Variants in FGF13 observed in about 807,000 individuals in gnomAD.
FGF13 encodes fibroblast growth factor 13.
In FGF13, 2 loss-of-function variants were observed where a neutral mutation model predicts 19.5. That is an observed-to-expected ratio of 0.10 (90% CI 0.04 to 0.32). The LOEUF (loss-of-function observed/expected upper bound fraction) is 0.32. FGF13 is among the 10% of genes least tolerant of loss of function. The pLI is 1.00. For missense variants in FGF13, 113 were observed against 192.7 expected (o/e 0.59, Z 2.45); for synonymous variants, 72 against 76.9 (o/e 0.94, Z 0.33).
At chrX:139,031,747 A>C (rs6634041) in intron 1 of FGF13, among the ~76,000 whole-genome samples, 13,811 of 108,561 alleles carry the variant, frequency 0.13, 753 homozygotes, top group South Asian at 0.18. Flanking sequence ...ATGCTCCAGA[A>C]GTTTGTATGG....
At chrX:138,786,629 G>C (rs1294266395) in intron 3 of FGF13, among the ~76,000 whole-genome samples, 6 of 107,086 alleles carry the variant, frequency 5.6e-5, no homozygotes, top group African/African-American at 2.1e-4. Context: ...ACCTCCTACT[G>C]TATCCTCACT....
chrX:139,037,533 T>C (rs1232127498), intron 1 of FGF13, among the ~76,000 whole-genome samples: 1 of 111,582 alleles, frequency 9.0e-6, no homozygotes, highest in East Asian at 2.9e-4. Context: ...AATCAAGGCG[T>C]TAGCAGTCTG....
intron 1 of FGF13, among the ~76,000 whole-genome samples, chrX:139,030,027 G>A (rs1234539508): frequency 2.7e-5 from 3 of 111,622 alleles, no homozygotes; most frequent in African/African-American, 6.5e-5. Context: ...ATAAGCATGC[G>A]CCAATAAAAC....
intron 1 of FGF13, among the ~76,000 whole-genome samples, chrX:139,164,547 G>A (rs970193325): frequency 5.5e-5 from 6 of 109,609 alleles, no homozygotes; most frequent in Non-Finnish European, 1.1e-4. Flanking sequence ...AAATTTTGCC[G>A]GGCGTCATGA....
chrX:138,777,090 C>T (rs1290963054), intron 3 of FGF13, among the ~76,000 whole-genome samples: 1 of 111,901 alleles, frequency 8.9e-6, no homozygotes, highest in Non-Finnish European at 1.9e-5. Flanking sequence ...ATTTCCTGAT[C>T]CCTGACAGAA....
intron 3 of FGF13, among the ~76,000 whole-genome samples, chrX:138,745,665 A>G (rs1187869075): frequency 8.9e-6 from 1 of 112,277 alleles, no homozygotes; most frequent in Non-Finnish European, 1.9e-5. Context: ...CAATTTCAAA[A>G]TTAATGTCAA....
intron 3 of FGF13, among the ~76,000 whole-genome samples, chrX:138,662,725 C>T (rs1205876406): frequency 7.2e-5 from 8 of 111,456 alleles, no homozygotes; most frequent in Non-Finnish European, 3.8e-5. Context: ...ATCTATTCTG[C>T]AATAAAAACA....
chrX:139,200,625 G>A (rs1777601823), intron 1 of FGF13, among the ~76,000 whole-genome samples: 1 of 112,189 alleles, frequency 8.9e-6, no homozygotes, highest in South Asian at 3.7e-4. Context: ...AAACTTGCCT[G>A]GATATGGTGG....
rs184418628 is a variant in FGF13 at position 139,203,125 on chromosome X, G to T, written c.-113+291C>A. ...GGCAAAGGGTGGGGGGGCGTCCCCTGCCTTTGCCTTAGTTCTCCCCAGCCT... is the reference window on the plus strand; with the variant it reads ...GGCAAAGGGTGGGGGGGCGTCCCCTTCCTTTGCCTTAGTTCTCCCCAGCCT... On this transcript the variant is annotated intron_variant, in intron 1 of 2. Coordinates refer to the FGF13 transcript ENST00000421460. Among the ~76,000 whole-genome samples, 43 of 112,198 alleles carry T rather than the reference G, an allele frequency of 3.8e-4. No individual in the cohort carries two copies. In the East Asian group the frequency reaches 0.01, roughly 27 times the overall value.
chrX:139,063,411 C>T (rs969726578), intron 1 of FGF13, among the ~76,000 whole-genome samples: 11 of 111,099 alleles, frequency 9.9e-5, no homozygotes, highest in African/African-American at 1.6e-4. Flanking sequence ...TTAGTTAGGA[C>T]GGCAATTATA....
intron 1 of FGF13, among the ~76,000 whole-genome samples, chrX:139,028,650 T>TGTGA (rs2124391106): frequency 1.5e-5 from 1 of 67,834 alleles, no homozygotes; most frequent in African/African-American, 5.7e-5. Flanking sequence ...TGTGTGTGTG[T>TGTGA]GAGAGAGAGA....
At chrX:139,043,319 C>T (rs1324892477) in intron 1 of FGF13, among the ~76,000 whole-genome samples, 1 of 110,988 alleles carries the variant, frequency 9.0e-6, no homozygotes. Context: ...TCAAGTGATT[C>T]TCCTGCCTCA....
At chrX:139,011,078 T>A (rs1409619384) in intron 1 of FGF13, among the ~76,000 whole-genome samples, 1 of 110,944 alleles carries the variant, frequency 9.0e-6, no homozygotes, top group Non-Finnish European at 1.9e-5. Context: ...TTCCTGGAAA[T>A]ATACAACTCT....
chrX:138,994,694 T>A (rs2092033550), intron 1 of FGF13, among the ~76,000 whole-genome samples: 1 of 111,078 alleles, frequency 9.0e-6, no homozygotes, highest in South Asian at 3.8e-4. Flanking sequence ...TTTTTAACCA[T>A]GCTTTATATT....
chrX:138,961,003 T>C (rs1383701958), intron 1 of FGF13, among the ~76,000 whole-genome samples: 1 of 111,659 alleles, frequency 9.0e-6, no homozygotes, highest in Non-Finnish European at 1.9e-5. Context: ...TTCTGAAGCC[T>C]ACTTCTGTCA....
chrX:139,193,686 G>A (rs1603236035), intron 1 of FGF13, among the ~76,000 whole-genome samples: 1 of 110,550 alleles, frequency 9.0e-6, no homozygotes, highest in African/African-American at 3.3e-5. Flanking sequence ...AAGGAATGAG[G>A]GAGCAGAAAA....
intron 3 of FGF13, among the ~76,000 whole-genome samples, chrX:138,757,643 GC>G (rs2090439787): frequency 9.0e-6 from 1 of 111,098 alleles, no homozygotes; most frequent in South Asian, 3.9e-4. Context: ...ACCAAAAAAT[GC>G]CCAACACAGG....
rs544109553 is a variant in FGF13 at position 138,738,673 on chromosome X, G to T, written c.28+569C>A. Among the ~76,000 whole-genome samples, 7 of 111,753 alleles carry T rather than the reference G, an allele frequency of 6.3e-5. 1 individual carries two copies. In the South Asian group the frequency reaches 2.6e-3, roughly 42 times the overall value. On this transcript the variant is annotated intron_variant, in intron 1 of 4. Transcript: ENST00000305414. ...CTCCTAGTTTCGCTGAGACATTATA[G>T]AGTGCCTATCTTCTGTGATTTCCCT...
Position 138,630,279 on chromosome X carries a change from C to T in FGF13, c.*2571G>A, listed in dbSNP as rs776839176. On this transcript the variant is annotated 3_prime_UTR_variant, in exon 5 of 5. Transcript: ENST00000315930. Reference sequence around the variant, plus strand: ...GCTAATTTGCTTACTACCAGCAGACCTACACTATTTCTGAACAACAGAAAA... The same window carrying T: ...GCTAATTTGCTTACTACCAGCAGACTTACACTATTTCTGAACAACAGAAAA... 3 of 110,834 alleles carry T rather than the reference C, an allele frequency of 2.7e-5. No individual in the cohort carries two copies. The highest frequency in any genetic ancestry group is 5.7e-5 in the Non-Finnish European group (3 of 53,044). The allele number at this position is 110,834 out of a possible 1,213,427, so 9.1% of individuals were successfully genotyped here.
Sources: allele counts gnomAD v4.1 joint callset (sites outside exome capture counted in the v4.1 genomes callset), GRCh38; gene constraint gnomAD v4.1.1; transcripts MANE v1.5; gene names NCBI Gene and HGNC (gene_info 2026-07-23, HGNC 2026-07-21).